The following VANGL1 variants were observed in gnomAD, a reference collection of about 807,000 sequenced individuals.
The protein encoded by VANGL1 is vang-like protein 1.
Under a neutral mutation model 48.4 loss-of-function variants are expected in VANGL1, and 18 were observed. The observed-to-expected ratio is 0.37, with a 90% CI of 0.26 to 0.55. VANGL1 has a LOEUF of 0.55. Among genes scored for constraint, VANGL1 ranks in the 20% least tolerant of loss-of-function variants. VANGL1 has a pLI of 0.81. For synonymous variants in VANGL1, 257 were observed against 261.8 expected (o/e 0.98, Z 0.18); for missense variants, 667 against 675.8 (o/e 0.99, Z 0.14).
At chr1:115,659,024 G>C (rs1652448986) in intron 2 of VANGL1, among the ~76,000 whole-genome samples, 1 of 151,810 alleles carries the variant, frequency 6.6e-6, no homozygotes, top group African/African-American at 2.4e-5. Context: ...TTTTTTCCTA[G>C]CTTGTTTGTT....
intron 4 of VANGL1, among the ~76,000 whole-genome samples, chr1:115,678,303 G>C (rs190640191): frequency 1.8e-3 from 279 of 152,318 alleles, no homozygotes; most frequent in Non-Finnish European, 3.2e-3. Flanking sequence ...TTCCATATTT[G>C]GAGGGTGGAG....
At chr1:115,663,374 A>C (rs916514793) in intron 3 of VANGL1, among the ~76,000 whole-genome samples, 9 of 152,210 alleles carry the variant, frequency 5.9e-5, no homozygotes, top group South Asian at 2.1e-4. Flanking sequence ...AGGCTTTTCA[A>C]CCCAGGGGAT....
chr1:115,685,224 A>G, intron 6 of VANGL1, 69 bp from the exon 7 acceptor site: 1 of 1,562,742 alleles, frequency 6.4e-7, no homozygotes, highest in Non-Finnish European at 8.8e-7. Context: ...AGGGTAGACA[A>G]GCGTCATTCT....
chr1:115,662,862 C>T (rs1557766725), intron 3 of VANGL1, among the ~76,000 whole-genome samples: 1 of 151,456 alleles, frequency 6.6e-6, no homozygotes, highest in Non-Finnish European at 1.5e-5. Context: ...TCTCAGCTCA[C>T]TGCAACCTCC....
At chr1:115,647,909 G>T (rs1158597213) in intron 1 of VANGL1, among the ~76,000 whole-genome samples, 2 of 152,230 alleles carry the variant, frequency 1.3e-5, no homozygotes, top group African/African-American at 4.8e-5. Context: ...TAGTCTTTCA[G>T]TAAGTATTTG....
At chr1:115,680,107 C>T (rs1653330027) in intron 4 of VANGL1, among the ~76,000 whole-genome samples, 1 of 152,104 alleles carries the variant, frequency 6.6e-6, no homozygotes, top group African/African-American at 2.4e-5. Flanking sequence ...ACTTGCCCCT[C>T]TCTGGAGAAT....
At position 115,683,846 on chromosome 1, in the gene VANGL1, G is replaced by T. The variant is rs921926335; in HGVS notation, c.947-98G>T. Reference sequence around the variant, plus strand: ...ATTTGTGTGTGTGTGTTCCATAGGGGGTGGGTAGACAACACTGACAGATTG... The same window carrying T: ...ATTTGTGTGTGTGTGTTCCATAGGGTGTGGGTAGACAACACTGACAGATTG... On this transcript the variant is annotated intron_variant, in intron 5 of 7. Coordinates refer to ENST00000355485, the MANE Select transcript of VANGL1 (RefSeq NM_138959.3). 40 of 1,480,732 alleles carry T rather than the reference G, an allele frequency of 2.7e-5. No homozygotes were observed. The African/African-American group carries it at 5.2e-4, about 19-fold the overall frequency. The allele number at this position is 1,480,732 out of a possible 1,614,324, so 91.7% of individuals were successfully genotyped here.
intron 7 of VANGL1, among the ~76,000 whole-genome samples, chr1:115,687,109 A>T (rs1653664015): frequency 7.2e-6 from 1 of 138,866 alleles, no homozygotes; most frequent in Non-Finnish European, 1.6e-5. Flanking sequence ...TAGAAATAGT[A>T]AGAAACCAAA....
intron 4 of VANGL1, among the ~76,000 whole-genome samples, chr1:115,667,536 C>T (rs905279699): frequency 6.6e-6 from 1 of 152,118 alleles, no homozygotes; most frequent in Non-Finnish European, 1.5e-5. Context: ...AGAGGTGTCC[C>T]CTCTTACAGT....
chr1:115,689,024 C>T lies in VANGL1; in HGVS notation c.1315-2095C>T, dbSNP rs1205741370. Among the ~76,000 whole-genome samples the T allele has an allele frequency of 1.2e-4, 17 of 136,602 alleles. 3 individuals are homozygous for T. The highest frequency in any genetic ancestry group is 1.1e-3 in the Admixed American group (15 of 13,288). 89.6% of individuals were successfully genotyped at this position (136,602 alleles called of 152,430 possible). On this transcript the variant is annotated intron_variant, in intron 7 of 7. Coordinates refer to ENST00000355485, the MANE Select transcript of VANGL1 (RefSeq NM_138959.3). ...GCCAGGATGGTCTCAATCTCCTGAC[C>T]TCGTGATCTGCCTGCTTCAACCTCC...
rs886443301 is a variant in VANGL1, at chr1:115,692,653, A to G, written c.*1274A>G. On this transcript the variant is annotated 3_prime_UTR_variant, in exon 8 of 8. Coordinates refer to ENST00000355485, the MANE Select transcript of VANGL1 (RefSeq NM_138959.3). ...GATTCATCTGTGGTCTGTCTGTTAA[A>G]CACAGCTGATTTCAGTGGGCTTTCC... The G allele has an allele frequency of 6.5e-6, 1 of 152,732 alleles. No individual in the cohort carries two copies. The highest frequency in any genetic ancestry group is 2.4e-5 in the African/African-American group (1 of 41,450). 9.5% of individuals were successfully genotyped at this position (152,732 alleles called of 1,614,324 possible). A position where few individuals can be genotyped will look rare whatever the true frequency, so the allele number is the denominator to read the frequency against.
chr1:115,669,181 T>C (rs370539341), intron 4 of VANGL1, among the ~76,000 whole-genome samples: 23 of 152,192 alleles, frequency 1.5e-4, no homozygotes, highest in African/African-American at 5.3e-4. Context: ...TGATAGCTGA[T>C]AGTCATCAAC....
At chr1:115,655,051 G>A (rs181130714) in intron 2 of VANGL1, among the ~76,000 whole-genome samples, 40 of 152,316 alleles carry the variant, frequency 2.6e-4, no homozygotes, top group Non-Finnish European at 8.8e-5. Flanking sequence ...AAAGAGGGCC[G>A]CCGGGGCAGT....
chr1:115,692,239 C>T lies in VANGL1; in HGVS notation c.*860C>T, dbSNP rs1653867775. On this transcript the variant is annotated 3_prime_UTR_variant, in exon 8 of 8. Coordinates refer to ENST00000355485, the MANE Select transcript of VANGL1 (RefSeq NM_138959.3). ...GGGAGAGAGGGCAGTGGGAATGCCA[C>T]CTTTAGGCTGCAGCAGGAGCCCCAC... 6.5e-6 allele frequency: 1 copy of T among 152,766 alleles called. No homozygotes were observed. Among genetic ancestry groups the T allele is most frequent in the African/African-American group, 2.4e-5 (1 of 41,458 alleles). 9.5% of individuals were successfully genotyped at this position (152,766 alleles called of 1,614,324 possible).
At chr1:115,646,467 G>C (rs993446144) in intron 1 of VANGL1, among the ~76,000 whole-genome samples, 2 of 151,262 alleles carry the variant, frequency 1.3e-5, no homozygotes, top group Non-Finnish European at 2.9e-5. Flanking sequence ...CCCTGAGTGG[G>C]ACTGCCATGC....
At chr1:115,684,102 C>T (rs930833182) in intron 6 of VANGL1, 26 bp downstream of exon 6, 13 of 1,610,002 alleles carry the variant, frequency 8.1e-6, no homozygotes, top group African/African-American at 1.3e-5. Context: ...GATGCCAGTA[C>T]CCTCTTACAG....
intron 7 of VANGL1, among the ~76,000 whole-genome samples, chr1:115,686,251 A>G (rs1653612258): frequency 6.6e-6 from 1 of 151,910 alleles, no homozygotes; most frequent in South Asian, 2.1e-4. Context: ...ATGAGGATGG[A>G]CTAAATAGCT....
intron 4 of VANGL1, among the ~76,000 whole-genome samples, chr1:115,668,890 A>G (rs1237144810): frequency 6.6e-6 from 1 of 152,214 alleles, no homozygotes; most frequent in African/African-American, 2.4e-5. Context: ...CTGTCCCAGT[A>G]GTATTTCCAC....
chr1:115,680,038 A>T (rs1212874457), intron 4 of VANGL1, among the ~76,000 whole-genome samples: 1 of 150,260 alleles, frequency 6.7e-6, no homozygotes, highest in African/African-American at 2.5e-5. Flanking sequence ...AGAGAGAGAG[A>T]GAGAGAGATC....
Sources: allele counts gnomAD v4.1 joint callset (sites outside exome capture counted in the v4.1 genomes callset), GRCh38; gene constraint gnomAD v4.1.1; transcripts MANE v1.5; gene names NCBI Gene and HGNC (gene_info 2026-07-23, HGNC 2026-07-21).